MLXIPL: variants seen among roughly 807,000 people sequenced by gnomAD.
MLXIPL encodes MLX interacting protein like, also known as carbohydrate-responsive element-binding protein.
A neutral mutation model predicts 81.5 loss-of-function variants in MLXIPL; 49 were observed. The ratio of observed to expected loss-of-function variants is 0.60; its 90% CI spans 0.48 to 0.76. MLXIPL has a LOEUF of 0.76. Among genes scored for constraint, MLXIPL ranks in the 30% least tolerant of loss-of-function variants. The probability of loss-of-function intolerance (pLI) is 0.00; values close to 1 mark genes in which losing one functional copy is unlikely to be tolerated. For synonymous variants in MLXIPL, 466 were observed against 485.5 expected (o/e 0.96, Z 0.53); for missense variants, 1,053 against 1,167.0 (o/e 0.90, Z 1.42).
At position 73,623,432 on chromosome 7, in the gene MLXIPL, C is replaced by T. The variant is rs113468060; in HGVS notation, c.293+768G>A. ...CTCCTCTGGGACGCGGGGCGTGGAG[C>T]GGCAGCGGGGCGCGGCCTGTGCGCT... On this transcript the variant is annotated intron_variant, in intron 1 of 16. Transcript: ENST00000313375. The surrounding 1 kb of genome is among the most constrained non-coding windows in gnomAD (Gnocchi z 5.7). Among the ~76,000 whole-genome samples the T allele has an allele frequency of 3.3e-5, 5 of 151,866 alleles. No homozygotes were observed. Among genetic ancestry groups the T allele is most frequent in the African/African-American group, 7.3e-5 (3 of 41,338 alleles).
At chr7:73,602,105 TGCC>T (rs1554596473) in intron 7 of MLXIPL, among the ~76,000 whole-genome samples, 6 of 136,596 alleles carry the variant, frequency 4.4e-5, no homozygotes, top group Admixed American at 7.6e-5. Context: ...CCTTCCTGCC[TGCC>T]TGCCTGCCTG....
At chr7:73,615,214 C>CT (rs1475187953) in intron 2 of MLXIPL, among the ~76,000 whole-genome samples, 1 of 152,192 alleles carries the variant, frequency 6.6e-6, no homozygotes, top group Non-Finnish European at 1.5e-5. Flanking sequence ...CTGGGCAACT[C>CT]TAAGTCCAGA....
chr7:73,630,680 C>T, the MLXIPL span, among the ~76,000 whole-genome samples: 6 of 152,204 alleles, frequency 3.9e-5, no homozygotes, highest in Non-Finnish European at 5.9e-5. Flanking sequence ...GATTCAAACG[C>T]AGACAATTGA....
At chr7:73,626,153 G>A (rs567463155), upstream of MLXIPL, among the ~76,000 whole-genome samples, 10 of 152,002 alleles carry the variant, frequency 6.6e-5, no homozygotes, top group South Asian at 1.0e-3. Context: ...ACAAGTGCCC[G>A]CCACCATGCC....
rs914322441 is a variant in MLXIPL, at chr7:73,614,808, C to T, written c.400+1263G>A. 6.1e-5 allele frequency among the ~76,000 whole-genome samples: 8 copies of T among 130,908 alleles called. No homozygotes were observed. In the South Asian group the frequency reaches 1.0e-3, roughly 17 times the overall value. The allele number at this position is 130,908 out of a possible 152,430, so 85.9% of individuals were successfully genotyped here. A position where few individuals can be genotyped will look rare whatever the true frequency, so the allele number is the denominator to read the frequency against. The stretch of plus-strand genomic sequence containing the variant: ...CTATTGGCCTCGTTTTTTGTTTTGC[C>T]CTTTTTTTTTTTTTTTTTTTGAGAC... On this transcript the variant is annotated intron_variant, in intron 2 of 16. Transcript: ENST00000313375.
At chr7:73,607,212 G>A in intron 4 of MLXIPL, 119 bp downstream of exon 4, 1 of 1,269,182 alleles carries the variant, frequency 7.9e-7, no homozygotes. Context: ...CTGAATGGAG[G>A]GCCCGAGGGG....
At chr7:73,616,996 T>C (rs1229232920) in intron 1 of MLXIPL, among the ~76,000 whole-genome samples, 5 of 151,948 alleles carry the variant, frequency 3.3e-5, no homozygotes, top group African/African-American at 4.8e-5. Flanking sequence ...TGTTTTGTTT[T>C]GGTTTGGTTT....
chr7:73,604,396 G>A (rs1226953449), intron 7 of MLXIPL, among the ~76,000 whole-genome samples: 1 of 150,758 alleles, frequency 6.6e-6, no homozygotes, highest in Admixed American at 6.6e-5. Flanking sequence ...ATACAGGGAG[G>A]CCCTGTCTCT....
chr7:73,646,511 C>A, the MLXIPL span, among the ~76,000 whole-genome samples: 2 of 152,146 alleles, frequency 1.3e-5, no homozygotes. Flanking sequence ...TGAGTCCCAA[C>A]CCCAGCCTGA....
intron 8 of MLXIPL, 136 bp downstream of exon 8, chr7:73,599,389 TG>T: frequency 9.0e-7 from 1 of 1,106,288 alleles, no homozygotes; most frequent in Admixed American, 1.8e-5. Flanking sequence ...AGGGCAGAGA[TG>T]GGGTCTTTCT....
intron 7 of MLXIPL, among the ~76,000 whole-genome samples, chr7:73,603,698 G>A (rs12537594): frequency 0.062 from 9,400 of 152,268 alleles, 343 homozygotes; most frequent in Middle Eastern, 0.11. Context: ...TATCTACCTG[G>A]CCCGCACATA....
intron 8 of MLXIPL, among the ~76,000 whole-genome samples, chr7:73,598,326 C>T (rs1554595029): frequency 6.6e-6 from 1 of 152,118 alleles, no homozygotes; most frequent in Non-Finnish European, 1.5e-5. Flanking sequence ...ACTAATCCAT[C>T]CAACCATCTA....
At chr7:73,646,486 A>G in the MLXIPL span, among the ~76,000 whole-genome samples, 1 of 152,072 alleles carries the variant, frequency 6.6e-6, no homozygotes, top group Admixed American at 6.6e-5. Context: ...CTGCCCTCCC[A>G]TGTGGTCCCC....
At chr7:73,595,499 G>C in intron 15 of MLXIPL, 138 bp downstream of exon 15, 1 of 1,583,466 alleles carries the variant, frequency 6.3e-7, no homozygotes, top group South Asian at 1.1e-5. Context: ...GAAGCAGGGG[G>C]CAGAGCCAGA....
chr7:73,643,643 G>A, the MLXIPL span, among the ~76,000 whole-genome samples: 1 of 152,166 alleles, frequency 6.6e-6, no homozygotes, highest in Non-Finnish European at 1.5e-5. Flanking sequence ...TGGGCTGCTT[G>A]GTGGAACTGA....
In MLXIPL at chr7:73,597,555, G is replaced by T; in HGVS notation, c.1230C>A (p.Cys410Ter). The part of the protein sequence containing the change: ...PPAKVPGLEP[C>*]PPPPFPPMAP... ...CCATGGGAGGGAAGGGAGGTGGGGG[G>T]CAGGGCTCCAGGCCTGGCACCTTGG... is the stretch of plus-strand genomic sequence containing the variant. The change falls in exon 9 of 17, where the codon TGC (cysteine) becomes TGA (stop). Residue 410 changes from cysteine to a stop codon, truncating the protein, a stop_gained. Transcript: ENST00000313375. LOFTEE classifies it high-confidence loss of function. 7.6e-7 allele frequency: 1 copy of T among 1,315,076 alleles called. No homozygotes were observed. Among genetic ancestry groups the T allele is most frequent in the Non-Finnish European group, 9.7e-7 (1 of 1,027,324 alleles). The allele number at this position is 1,315,076 out of a possible 1,614,324, so 81.5% of individuals were successfully genotyped here. A position where few individuals can be genotyped will look rare whatever the true frequency, so the allele number is the denominator to read the frequency against.
intron 1 of MLXIPL, among the ~76,000 whole-genome samples, chr7:73,621,070 A>C (rs1554601922): frequency 6.6e-6 from 1 of 151,552 alleles, no homozygotes; most frequent in African/African-American, 2.4e-5. Flanking sequence ...TAAATAAATA[A>C]ATAAATAAAT....
the MLXIPL span, among the ~76,000 whole-genome samples, chr7:73,632,981 A>T: frequency 1.3e-5 from 2 of 151,274 alleles, no homozygotes. Flanking sequence ...GGGTTTCCCT[A>T]TGTTAGCCAG....
At chr7:73,595,551 G>C in intron 15 of MLXIPL, 86 bp downstream of exon 15, 2 of 1,612,082 alleles carry the variant, frequency 1.2e-6, no homozygotes, top group Non-Finnish European at 1.7e-6. Context: ...CCGGCCTGGA[G>C]AGCTAGGCCT....
Sources: gnomAD v4.1 joint callset for allele counts (sites outside exome capture counted in the v4.1 genomes callset) on GRCh38, gnomAD v4.1.1 for gene constraint, Gnocchi (gnomAD v3.1) non-coding constraint, MANE v1.5 for transcripts, NCBI Gene and HGNC (gene_info 2026-07-23, HGNC 2026-07-21) for gene names.